The following SH3RF2 variants were observed in gnomAD, a reference collection of about 807,000 sequenced individuals.
SH3RF2 encodes the protein SH3 domain containing ring finger 2.
In SH3RF2, 43 loss-of-function variants were observed where a neutral mutation model predicts 59.0. That is an observed-to-expected ratio of 0.73 (90% CI 0.57 to 0.94). SH3RF2 has a LOEUF of 0.94. Among genes scored for constraint, SH3RF2 ranks in the 40% least tolerant of loss-of-function variants. SH3RF2 has a pLI of 0.00. For synonymous variants in SH3RF2, 391 were observed against 391.5 expected (o/e 1.00, Z 0.01); for missense variants, 930 against 940.1 (o/e 0.99, Z 0.14).
chr5:145,989,462 T>C lies in SH3RF2; in HGVS notation c.379-10596T>C, dbSNP rs115641103. Among the ~76,000 whole-genome samples, 657 of 152,350 alleles carry C rather than the reference T, an allele frequency of 4.3e-3. 8 individuals carry two copies. Among genetic ancestry groups the C allele is most frequent in the African/African-American group, 0.015 (625 of 41,586 alleles). Reference sequence around the variant, plus strand: ...CATCAAGCGTTTCTTAAACACCTACTTGTGTACAGTGTTCAAAGATAGAGA... The same window carrying C: ...CATCAAGCGTTTCTTAAACACCTACCTGTGTACAGTGTTCAAAGATAGAGA... On this transcript the variant is annotated intron_variant, in intron 2 of 9. Coordinates refer to ENST00000359120, the MANE Select transcript of SH3RF2 (RefSeq NM_152550.4).
intron 2 of SH3RF2, among the ~76,000 whole-genome samples, chr5:145,980,486 T>C (rs1759467692): frequency 6.6e-6 from 1 of 152,226 alleles, no homozygotes; most frequent in African/African-American, 2.4e-5. Context: ...TGCTATCATT[T>C]ATTTAATCCA....
intron 2 of SH3RF2, among the ~76,000 whole-genome samples, chr5:145,951,172 T>C (rs982944512): frequency 5.3e-5 from 8 of 152,200 alleles, no homozygotes; most frequent in Admixed American, 2.0e-4. Context: ...CTAAATCCTT[T>C]ACCCGCAAAA....
intron 8 of SH3RF2, among the ~76,000 whole-genome samples, chr5:146,057,943 T>A (rs948150513): frequency 8.0e-6 from 1 of 124,440 alleles, no homozygotes; most frequent in Non-Finnish European, 1.8e-5. Context: ...TCTCTCTCTC[T>A]CTCTCTCTCT....
intron 9 of SH3RF2, among the ~76,000 whole-genome samples, chr5:146,072,052 ATT>A (rs1292481239): frequency 6.6e-6 from 1 of 152,224 alleles, no homozygotes; most frequent in Non-Finnish European, 1.5e-5. Flanking sequence ...AAGAAGAAAG[ATT>A]TTGAAAAATG....
chr5:145,956,630 G>A (rs1461479280), intron 2 of SH3RF2, among the ~76,000 whole-genome samples: 1 of 151,984 alleles, frequency 6.6e-6, no homozygotes, highest in African/African-American at 2.4e-5. Flanking sequence ...GAAGCAAAGG[G>A]GTTAAGATAT....
At chr5:146,018,601 T>C (rs1432822885) in intron 5 of SH3RF2, among the ~76,000 whole-genome samples, 1 of 152,166 alleles carries the variant, frequency 6.6e-6, no homozygotes, top group Non-Finnish European at 1.5e-5. Flanking sequence ...GATAAACATA[T>C]GCACGCAGTT....
At chr5:145,964,744 ATCATTAAACAATCCACCACAGGG>A (rs1414225923) in intron 2 of SH3RF2, among the ~76,000 whole-genome samples, 30 of 152,172 alleles carry the variant, frequency 2.0e-4, no homozygotes, top group Non-Finnish European at 3.1e-4. Flanking sequence ...TTGACTGTGG[ATCATTAAACAATCCACCACAGGG>A]CTCCCTTTGG....
chr5:146,073,906 G>A (rs928277314), intron 9 of SH3RF2, among the ~76,000 whole-genome samples: 1 of 152,102 alleles, frequency 6.6e-6, no homozygotes, highest in African/African-American at 2.4e-5. Context: ...GTTCTCCAAA[G>A]GGATGACATT....
At chr5:146,051,458 T>C (rs1430010998) in intron 7 of SH3RF2, among the ~76,000 whole-genome samples, 1 of 152,240 alleles carries the variant, frequency 6.6e-6, no homozygotes, top group East Asian at 1.9e-4. Context: ...TGATGGTGAA[T>C]TGAACCGAAG....
At position 145,937,909 on chromosome 5, in the gene SH3RF2, A is replaced by C; in HGVS notation, c.-20A>C. 1 of 1,601,146 alleles carries C rather than the reference A, an allele frequency of 6.2e-7. No individual in the cohort carries two copies. Among genetic ancestry groups the C allele is most frequent in the Non-Finnish European group, 8.5e-7 (1 of 1,173,416 alleles). On this transcript the variant is annotated 5_prime_UTR_variant, in exon 2 of 10. Transcript: ENST00000359120. ...TGTGGACGCTGCTCCTCCAGGTGGG[A>C]ACTGGAGTTTTGAAATAAAATGGAT...
rs751624887 is a variant in SH3RF2, at chr5:146,056,204, A to G, written c.1546A>G (p.Met516Val). 2.5e-6 allele frequency: 4 copies of G among 1,614,206 alleles called. No individual in the cohort carries two copies. In the South Asian group the frequency reaches 4.4e-5, roughly 18 times the overall value. Residue 516 changes from methionine to valine, a missense_variant, in exon 8 of 10, where the codon ATG becomes GTG. Met to Val is a conservative substitution (Grantham distance 21). Coordinates refer to ENST00000359120, the MANE Select transcript of SH3RF2 (RefSeq NM_152550.4). ...GTCTCTTCGGAAAGGGCGGAGCAGCATGAGAAAGAGTAAGTGGTGGCAGAG... is the reference window on the plus strand; with the variant it reads ...GTCTCTTCGGAAAGGGCGGAGCAGCGTGAGAAAGAGTAAGTGGTGGCAGAG... ...QGSLRKGRSS[M>V]RKNGSLQRPL...
At chr5:145,962,203 T>C (rs1758656327) in intron 2 of SH3RF2, among the ~76,000 whole-genome samples, 1 of 152,088 alleles carries the variant, frequency 6.6e-6, no homozygotes, top group African/African-American at 2.4e-5. Context: ...TGGCCACCCC[T>C]AAAGCCAGAG....
chr5:146,010,971 T>C (rs1420344942), intron 4 of SH3RF2, among the ~76,000 whole-genome samples: 2 of 152,108 alleles, frequency 1.3e-5, no homozygotes, highest in African/African-American at 4.8e-5. Context: ...ATGTCCTGAA[T>C]GGTATTGCCT....
At chr5:145,975,946 T>G (rs1759275509) in intron 2 of SH3RF2, among the ~76,000 whole-genome samples, 1 of 152,254 alleles carries the variant, frequency 6.6e-6, no homozygotes, top group African/African-American at 2.4e-5. Context: ...TAAATGTTAC[T>G]TACAGTAGGC....
At chr5:146,052,499 T>C (rs994627944) in intron 7 of SH3RF2, among the ~76,000 whole-genome samples, 9 of 152,178 alleles carry the variant, frequency 5.9e-5, no homozygotes, top group African/African-American at 1.9e-4. Flanking sequence ...TATGCAAATA[T>C]TGAGGTGCTA....
chr5:146,013,873 T>A lies in SH3RF2; in HGVS notation c.871T>A (p.Ser291Thr). The part of the protein sequence containing the change: ...NTSTLRRGPG[S>T]RRKVPGQFSI... ...GTCTACCCTCCGTAGGGGCCCAGGGTCCAGGAGGAAGGTGCCTGGGCAGTT... is the reference window on the plus strand; with the variant it reads ...GTCTACCCTCCGTAGGGGCCCAGGGACCAGGAGGAAGGTGCCTGGGCAGTT... Residue 291 changes from serine (S) to threonine (T), a missense_variant, in exon 5 of 10, where the codon TCC becomes ACC. Physicochemically the swap from Ser to Thr is moderately conservative, Grantham distance 58. Transcript: ENST00000359120. The A allele has an allele frequency of 1.2e-6, 2 of 1,614,130 alleles. No homozygotes were observed. The highest frequency in any genetic ancestry group is 1.7e-6 in the Non-Finnish European group (2 of 1,180,018).
chr5:146,014,118 C>T (rs567444678), intron 5 of SH3RF2, 57 bp downstream of exon 5: 1 of 1,565,410 alleles, frequency 6.4e-7, no homozygotes, highest in African/African-American at 1.4e-5. Context: ...TGATTCATAC[C>T]ATGTCACAAC....
chr5:145,989,876 C>T (rs1000540373), intron 2 of SH3RF2, among the ~76,000 whole-genome samples: 4 of 152,170 alleles, frequency 2.6e-5, no homozygotes, highest in African/African-American at 9.7e-5. Context: ...CTGTTATCAG[C>T]CTTTACCTCC....
At chr5:146,035,979 G>A (rs574503772) in intron 5 of SH3RF2, among the ~76,000 whole-genome samples, 4 of 152,176 alleles carry the variant, frequency 2.6e-5, no homozygotes, top group Admixed American at 6.5e-5. Flanking sequence ...AGTAAATGCC[G>A]TGAGGAGAAC....
Sources: gnomAD v4.1 joint callset for allele counts (sites outside exome capture counted in the v4.1 genomes callset) on GRCh38, gnomAD v4.1.1 for gene constraint, MANE v1.5 for transcripts, NCBI Gene and HGNC (gene_info 2026-07-23, HGNC 2026-07-21) for gene names.